Variants in NRG1 observed in about 807,000 individuals in gnomAD.
The protein encoded by NRG1 is neuregulin 1.
Under a neutral mutation model 63.8 loss-of-function variants are expected in NRG1, and 18 were observed. The observed-to-expected ratio is 0.28, with a 90% CI of 0.19 to 0.42. The LOEUF is 0.42. Ranked by LOEUF, NRG1 falls within the 10% of genes least tolerant of loss-of-function variation. The pLI is 1.00. For missense variants in NRG1, 762 were observed against 814.7 expected (o/e 0.94, Z 0.79); for synonymous variants, 302 against 301.3 (o/e 1.00, Z -0.02).
chr8:31,866,809 TTAGTTA>T (rs755286719), intron 1 of NRG1, among the ~76,000 whole-genome samples: 4 of 152,166 alleles, frequency 2.6e-5, no homozygotes, highest in Non-Finnish European at 5.9e-5. Flanking sequence ...ATTCCATTGT[TTAGTTA>T]TAAAGTAAAA....
chr8:32,556,869 AC>A (rs2129526002), intron 1 of NRG1, among the ~76,000 whole-genome samples: 1 of 152,358 alleles, frequency 6.6e-6, no homozygotes, highest in Non-Finnish European at 1.5e-5. Flanking sequence ...GGAATCTAAA[AC>A]CAGCCTTTAC....
At chr8:32,102,051 T>G (rs546743547) in intron 1 of NRG1, among the ~76,000 whole-genome samples, 22 of 152,288 alleles carry the variant, frequency 1.4e-4, no homozygotes, top group African/African-American at 5.1e-4. Flanking sequence ...CTGCTGGATC[T>G]AGTTGGAATG....
In NRG1 at chr8:32,246,529, A is replaced by C. The variant is rs1848602274; in HGVS notation, c.38-349299A>C. ...TAGAGCTTTGCCATGGGGCTCTGAG[A>C]TAATCCTTTGTTAAGACAAAGCACT... On this transcript the variant is annotated intron_variant, in intron 1 of 10. Transcript: ENST00000519301. Among the ~76,000 whole-genome samples the C allele has an allele frequency of 2.0e-5, 3 of 152,306 alleles. No individual in the cohort carries two copies. In the South Asian group the frequency reaches 6.2e-4, roughly 32 times the overall value.
intron 1 of NRG1, among the ~76,000 whole-genome samples, chr8:32,444,999 G>A (rs960264472): frequency 6.6e-6 from 1 of 152,158 alleles, no homozygotes; most frequent in Admixed American, 6.5e-5. Context: ...AGAGAATTTG[G>A]GGAGGAAAGT....
At chr8:31,859,833 AACCTGGAAAATCGAACTTAATTCC>A (rs1828302625) in intron 1 of NRG1, among the ~76,000 whole-genome samples, 1 of 152,236 alleles carries the variant, frequency 6.6e-6, no homozygotes, top group African/African-American at 2.4e-5. Context: ...AGTCAAATGG[AACCTGGAAAATCGAACTTAATTCC>A]ATTTTACATT....
chr8:32,291,106 G>C (rs538348866), intron 1 of NRG1, among the ~76,000 whole-genome samples: 1 of 152,312 alleles, frequency 6.6e-6, no homozygotes, highest in South Asian at 2.1e-4. Flanking sequence ...AATACAATCA[G>C]GAAGGAGAAG....
At chr8:32,156,236 A>T (rs1213212876) in intron 1 of NRG1, among the ~76,000 whole-genome samples, 2 of 152,008 alleles carry the variant, frequency 1.3e-5, no homozygotes, top group African/African-American at 2.4e-5. Flanking sequence ...CTCCTCCATG[A>T]TTTACCTAGT....
At chr8:31,781,332 T>G (rs1334265405) in intron 1 of NRG1, among the ~76,000 whole-genome samples, 1 of 145,620 alleles carries the variant, frequency 6.9e-6, no homozygotes, top group Non-Finnish European at 1.6e-5. Context: ...ACAAATTGAT[T>G]GCTGTGATTT....
At chr8:32,073,325 C>A (rs771159245) in intron 1 of NRG1, among the ~76,000 whole-genome samples, 1 of 151,984 alleles carries the variant, frequency 6.6e-6, no homozygotes, top group African/African-American at 2.4e-5. Context: ...AAGTTGGAAC[C>A]GAGGAGAAAG....
chr8:32,085,797 G>A (rs1828125258), intron 1 of NRG1, among the ~76,000 whole-genome samples: 2 of 152,196 alleles, frequency 1.3e-5, no homozygotes, highest in African/African-American at 4.8e-5. Flanking sequence ...CAGAATTTAA[G>A]TGAGGTCTAA....
chr8:31,862,578 C>T (rs1454629286), intron 1 of NRG1, among the ~76,000 whole-genome samples: 5 of 152,116 alleles, frequency 3.3e-5, no homozygotes, highest in African/African-American at 4.8e-5. Context: ...TGCTTTAGCC[C>T]GACCATGACT....
chr8:32,020,119 A>G (rs1332891571), intron 1 of NRG1, among the ~76,000 whole-genome samples: 1 of 152,214 alleles, frequency 6.6e-6, no homozygotes, highest in Admixed American at 6.5e-5. Flanking sequence ...TCTTAACAAT[A>G]TATCAAGTTC....
chr8:32,059,708 A>G (rs930105220), intron 1 of NRG1, among the ~76,000 whole-genome samples: 14 of 151,950 alleles, frequency 9.2e-5, no homozygotes, highest in African/African-American at 3.4e-4. Flanking sequence ...AGGTATTTAC[A>G]TGTTTTCGAT....
chr8:32,148,368 C>T (rs959026620), intron 1 of NRG1, among the ~76,000 whole-genome samples: 1 of 152,134 alleles, frequency 6.6e-6, no homozygotes, highest in Non-Finnish European at 1.5e-5. Flanking sequence ...CTCCATATAT[C>T]AGACTCTTGC....
At position 32,513,087 on chromosome 8, in the gene NRG1, A is replaced by G. The variant is rs375372839; in HGVS notation, c.38-82741A>G. Among the ~76,000 whole-genome samples, 13 of 152,228 alleles carry G rather than the reference A, an allele frequency of 8.5e-5. No homozygotes were observed. In the South Asian group the frequency reaches 2.7e-3, roughly 32 times the overall value. ...GTAGGAATCAAGCCAAAGTGAGATT[A>G]GGATAATGTCAGGTCTTAGTACTCT... is the stretch of plus-strand genomic sequence containing the variant. On this transcript the variant is annotated intron_variant, in intron 1 of 10. Coordinates refer to the NRG1 transcript ENST00000519301.
intron 1 of NRG1, among the ~76,000 whole-genome samples, chr8:31,666,928 G>A (rs1169603841): frequency 6.6e-6 from 1 of 152,160 alleles, no homozygotes; most frequent in Non-Finnish European, 1.5e-5. Context: ...GCTCTAAGCT[G>A]TCAACATGTT....
At position 32,107,175 on chromosome 8, in the gene NRG1, G is replaced by T. The variant is rs373774084; in HGVS notation, c.37+467744G>T. On this transcript the variant is annotated intron_variant, in intron 1 of 10. Coordinates refer to the NRG1 transcript ENST00000519301. ...CGCTTGAACCCAGGAGGCGGAGGTC[G>T]CAGTGAGCCGAGATTGCGCAACAGA... 2.3e-4 allele frequency among the ~76,000 whole-genome samples: 35 copies of T among 152,118 alleles called. 1 individual carries two copies. The highest frequency in any genetic ancestry group is 5.9e-5 in the Non-Finnish European group (4 of 68,014).
intron 1 of NRG1, among the ~76,000 whole-genome samples, chr8:32,065,924 C>T (rs1824723386): frequency 6.6e-6 from 1 of 152,196 alleles, no homozygotes; most frequent in Admixed American, 6.5e-5. Context: ...ATTTGCATTT[C>T]TCTGATGGCC....
At chr8:32,066,361 G>A (rs575539864) in intron 1 of NRG1, among the ~76,000 whole-genome samples, 3 of 152,282 alleles carry the variant, frequency 2.0e-5, no homozygotes, top group African/African-American at 7.2e-5. Flanking sequence ...ATTAATTTTT[G>A]TATAAGATGT....
Sources: allele counts gnomAD v4.1 joint callset (sites outside exome capture counted in the v4.1 genomes callset), GRCh38; gene constraint gnomAD v4.1.1; transcripts MANE v1.5; gene names NCBI Gene and HGNC (gene_info 2026-07-23, HGNC 2026-07-21).